PTPA: variants seen among roughly 807,000 people sequenced by gnomAD.
PTPA encodes the protein protein phosphatase 2 phosphatase activator, also known as serine/threonine-protein phosphatase 2A activator.
A neutral mutation model predicts 43.6 loss-of-function variants in PTPA; 13 were observed. The observed-to-expected ratio is 0.30, with a 90% CI of 0.19 to 0.47. The LOEUF (loss-of-function observed/expected upper bound fraction) is 0.47. Ranked by LOEUF, PTPA falls within the 20% of genes least tolerant of loss-of-function variation. The pLI is 0.99. For missense variants in PTPA, 329 were observed against 411.9 expected (o/e 0.80, Z 1.74); for synonymous variants, 172 against 158.2 (o/e 1.09, Z -0.66).
intron 1 of PTPA, among the ~76,000 whole-genome samples, chr9:129,117,255 C>T (rs1473659118): frequency 6.6e-6 from 1 of 151,838 alleles, no homozygotes; most frequent in Non-Finnish European, 1.5e-5. Context: ...CCATGTGGTC[C>T]AGGCTGGTTT....
At chr9:129,145,353 C>G (rs939310011) in intron 9 of PTPA, among the ~76,000 whole-genome samples, 2 of 151,916 alleles carry the variant, frequency 1.3e-5, no homozygotes, top group South Asian at 4.1e-4. Context: ...AAAAGATCAC[C>G]AAGTCTTTGC....
intron 1 of PTPA, among the ~76,000 whole-genome samples, chr9:129,113,066 G>C (rs1199693429): frequency 3.4e-4 from 29 of 86,166 alleles, no homozygotes; most frequent in East Asian, 1.1e-3. Context: ...TAAAAAAAAA[G>C]TCGCAAAAAA....
upstream of PTPA, chr9:129,111,320 GC>G: frequency 8.8e-7 from 1 of 1,139,922 alleles, no homozygotes; most frequent in Non-Finnish European, 1.1e-6. Context: ...TGGCGCGCAT[GC>G]GCCCCGCGCG....
At chr9:129,111,041 G>A (rs759156623), upstream of PTPA, 3 of 1,369,318 alleles carry the variant, frequency 2.2e-6, no homozygotes, top group South Asian at 1.1e-5. Flanking sequence ...AGGTAGTGGT[G>A]TGCACCTTTC....
chr9:129,126,907 C>T (rs1468516026), intron 3 of PTPA, among the ~76,000 whole-genome samples: 2 of 152,134 alleles, frequency 1.3e-5, no homozygotes, highest in Non-Finnish European at 2.9e-5. Flanking sequence ...GTGACTCCGT[C>T]TTCTCTGTCC....
At chr9:129,142,880 C>T (rs763901981) in intron 9 of PTPA, 6 of 1,509,226 alleles carry the variant, frequency 4.0e-6, no homozygotes, top group East Asian at 4.9e-5. Flanking sequence ...CCAAAGGCTC[C>T]TCAAAGCTCG....
intron 8 of PTPA, among the ~76,000 whole-genome samples, chr9:129,138,998 G>T (rs1850574069): frequency 1.3e-5 from 2 of 152,208 alleles, no homozygotes; most frequent in Admixed American, 1.3e-4. Context: ...GGAATGTGGG[G>T]GTCTGCGGAG....
rs60764362 is a variant in PTPA at position 129,111,606 on chromosome 9, T to C, written c.6T>C (p.Ala2=). The C allele has an allele frequency of 1.9e-3, 2,446 of 1,276,726 alleles. 35 individuals are homozygous for C. The African/African-American group carries it at 0.034, about 18-fold the overall frequency. 79.1% of individuals were successfully genotyped at this position (1,276,726 alleles called of 1,614,324 possible). A position where few individuals can be genotyped will look rare whatever the true frequency, so the allele number is the denominator to read the frequency against. Residue 2 remains alanine, a synonymous_variant, in exon 1 of 10, where the codon GCT becomes GCC. Coordinates refer to ENST00000393370, the MANE Select transcript of PTPA (RefSeq NM_178000.3). M[A]EGERQPPPDS... is the part of the protein sequence containing the mutation. ...CGGCTCCTGGCCGGAGCAAGATGGC[T>C]GAGGGCGAGCGGCAGCCGCCGCCAG...
chr9:129,123,419 C>T (rs545101443), intron 3 of PTPA, among the ~76,000 whole-genome samples: 3 of 151,520 alleles, frequency 2.0e-5, no homozygotes, highest in Admixed American at 2.0e-4. Context: ...TTGCAGTGAG[C>T]TGAGATCGCG....
intron 5 of PTPA, among the ~76,000 whole-genome samples, chr9:129,133,450 A>G (rs1375975454): frequency 6.6e-6 from 1 of 152,132 alleles, no homozygotes; most frequent in Non-Finnish European, 1.5e-5. Context: ...GGGGAAGGAA[A>G]CTGAGCTCAC....
chr9:129,130,410 CTTTT>C lies in PTPA; in HGVS notation c.343-1099_343-1096del, dbSNP rs11372763. Among the ~76,000 whole-genome samples, 3 of 141,708 alleles carry C rather than the reference CTTTT, an allele frequency of 2.1e-5. No individual in the cohort carries two copies. The Admixed American group carries it at 2.1e-4, about 10-fold the overall frequency. The allele number at this position is 141,708 out of a possible 152,430, so 93.0% of individuals were successfully genotyped here. A position where few individuals can be genotyped will look rare whatever the true frequency, so the allele number is the denominator to read the frequency against. On this transcript the variant is annotated intron_variant, in intron 4 of 9. Coordinates refer to ENST00000393370, the MANE Select transcript of PTPA (RefSeq NM_178000.3). Reference sequence around the variant, plus strand: ...CTGGACTCTTAAGATGGTACATGATCTTTTTTTTTTTTTTTTCCTGTTGTTCAGG... The same window carrying C: ...CTGGACTCTTAAGATGGTACATGATCTTTTTTTTTTTTCCTGTTGTTCAGG...
intron 1 of PTPA, chr9:129,119,804 AGGGCATGG>A (rs1849132137): frequency 6.6e-6 from 1 of 151,806 alleles, no homozygotes; most frequent in Non-Finnish European, 1.5e-5. Flanking sequence ...GAGGGAAGGG[AGGGCATGG>A]TTATTGAAGG....
upstream of PTPA, chr9:129,111,141 G>A (rs1848439496): frequency 1.5e-6 from 2 of 1,290,518 alleles, no homozygotes; most frequent in Admixed American, 3.9e-5. Flanking sequence ...ATATTCCTTG[G>A]GTTAGGGTCA....
chr9:129,118,460 T>A (rs892123615), intron 1 of PTPA, among the ~76,000 whole-genome samples: 4 of 152,106 alleles, frequency 2.6e-5, no homozygotes, highest in African/African-American at 9.7e-5. Context: ...CTGCAACCTC[T>A]GCCTCCTGGT....
chr9:129,141,103 T>A (rs1850781471), intron 8 of PTPA, among the ~76,000 whole-genome samples: 1 of 152,012 alleles, frequency 6.6e-6, no homozygotes, highest in East Asian at 1.9e-4. Context: ...GATGGGCTTT[T>A]TGGGAACCTG....
In PTPA at chr9:129,131,611, G is replaced by T. The variant is rs781473397; in HGVS notation, c.432G>T (p.Gly144=). 1.6e-5 allele frequency: 26 copies of T among 1,614,070 alleles called. No homozygotes were observed. The highest frequency in any genetic ancestry group is 2.0e-5 in the Non-Finnish European group (24 of 1,180,034). ...EVAVYLKESV[G]NSTRIDYGTG... ...CTGTTTACCTAAAGGAGTCAGTGGG[G>T]AACTCCACGCGCATTGACTACGGCA... Residue 144 remains glycine, a synonymous_variant, in exon 5 of 10, where the codon GGG becomes GGT. Coordinates refer to ENST00000393370, the MANE Select transcript of PTPA (RefSeq NM_178000.3).
upstream of PTPA, chr9:129,111,050 T>C: frequency 1.5e-6 from 2 of 1,368,766 alleles, no homozygotes; most frequent in Non-Finnish European, 2.0e-6. Flanking sequence ...TGTGCACCTT[T>C]CCAACTCCGT....
chr9:129,143,668 T>C, intron 9 of PTPA: 1 of 504,198 alleles, frequency 2.0e-6, no homozygotes. Flanking sequence ...CCTCCCCCTT[T>C]GGTCCCCTTC....
chr9:129,142,295 C>T, intron 8 of PTPA, 150 bp from the exon 9 acceptor site: 1 of 643,818 alleles, frequency 1.6e-6, no homozygotes, highest in Non-Finnish European at 2.5e-6. Flanking sequence ...GATGCTATAG[C>T]TTGGTCCCCA....
Sources: gnomAD v4.1 joint callset for allele counts (sites outside exome capture counted in the v4.1 genomes callset) on GRCh38, gnomAD v4.1.1 for gene constraint, MANE v1.5 for transcripts, NCBI Gene and HGNC (gene_info 2026-07-23, HGNC 2026-07-21) for gene names.